Variants in PROSER2 observed in about 807,000 individuals in gnomAD.
The protein encoded by PROSER2 is proline and serine rich 2.
Under a neutral mutation model 14.6 loss-of-function variants are expected in PROSER2, and 18 were observed. The observed-to-expected ratio is 1.23, with a 90% CI of 0.85 to 1.83. The LOEUF (loss-of-function observed/expected upper bound fraction) is 1.83, where lower values mean the gene tolerates loss of function less well. PROSER2 is among the 40% of genes most tolerant of loss of function. The probability of loss-of-function intolerance (pLI) is 0.00; values close to 1 mark genes in which losing one functional copy is unlikely to be tolerated. For synonymous variants in PROSER2, 367 were observed against 286.4 expected (o/e 1.28, Z -2.84); for missense variants, 823 against 629.8 (o/e 1.31, Z -3.28).
intron 1 of PROSER2, among the ~76,000 whole-genome samples, chr10:11,840,038 A>G (rs567165110): frequency 6.6e-6 from 1 of 151,344 alleles, no homozygotes; most frequent in Non-Finnish European, 1.5e-5. Context: ...CTGCAACCTC[A>G]GCCTCCCAGT....
intron 2 of PROSER2, among the ~76,000 whole-genome samples, chr10:11,861,263 G>C (rs1393357375): frequency 1.3e-5 from 2 of 152,162 alleles, no homozygotes; most frequent in Non-Finnish European, 2.9e-5. Flanking sequence ...CCTCTCTGAA[G>C]TTTTTCCTGC....
intron 2 of PROSER2, among the ~76,000 whole-genome samples, chr10:11,861,532 G>A (rs758122084): frequency 3.3e-5 from 5 of 152,114 alleles, no homozygotes; most frequent in Admixed American, 6.5e-5. Flanking sequence ...AAATCCGGCC[G>A]TGAAAGTAGG....
chr10:11,825,605 G>A (rs929130456), intron 1 of PROSER2, among the ~76,000 whole-genome samples: 3 of 152,188 alleles, frequency 2.0e-5, no homozygotes, highest in Non-Finnish European at 4.4e-5. Context: ...CTCTGTCTGC[G>A]GAACTCACAG....
At chr10:11,847,422 G>A (rs1343352813) in intron 1 of PROSER2, among the ~76,000 whole-genome samples, 1 of 151,958 alleles carries the variant, frequency 6.6e-6, no homozygotes, top group African/African-American at 2.4e-5. Context: ...TTGTTTTGTT[G>A]TTGTTGTTGT....
chr10:11,839,255 A>G (rs7076760), intron 1 of PROSER2, among the ~76,000 whole-genome samples: 18,283 of 152,208 alleles, frequency 0.12, 1,215 homozygotes, highest in Non-Finnish European at 0.15. Flanking sequence ...TTAAATATGA[A>G]AAGTGGAACC....
Position 11,870,576 on chromosome 10 carries a change from A to ACGCAC in PROSER2, c.*175_*179dup. The ACGCAC allele has an allele frequency of 3.8e-6, 2 of 523,212 alleles. No individual in the cohort carries two copies. The highest frequency in any genetic ancestry group is 6.6e-6 in the Non-Finnish European group (2 of 303,226). The allele number at this position is 523,212 out of a possible 1,614,324, so 32.4% of individuals were successfully genotyped here. On this transcript the variant is annotated 3_prime_UTR_variant, in exon 4 of 4. Coordinates refer to ENST00000277570, the MANE Select transcript of PROSER2 (RefSeq NM_153256.4). ...CCTGGCTGGGGCCTCCTGGCTGAGC[A>ACGCAC]CGCACCGCAAGCTCCAGCCACCGGC...
intron 2 of PROSER2, among the ~76,000 whole-genome samples, chr10:11,859,708 T>C (rs1588496832): frequency 6.6e-6 from 1 of 152,180 alleles, no homozygotes; most frequent in East Asian, 1.9e-4. Flanking sequence ...CCTTGTGCTT[T>C]TGGATTTTTT....
Position 11,866,458 on chromosome 10 carries a change from T to G in PROSER2, c.139-73T>G, listed in dbSNP as rs140379864. On this transcript the variant is annotated intron_variant, in intron 2 of 3. Coordinates refer to ENST00000277570, the MANE Select transcript of PROSER2 (RefSeq NM_153256.4). This position sits in a 1 kb window ranked among gnomAD's most constrained non-coding sequence, Gnocchi z 6.0. ...CTGGGCTGTGGACCAATCCCAACTT[T>G]GCTTCAGCTTTTGTCTCTTTAGTGA... The G allele has an allele frequency of 1.0e-3, 1,604 of 1,571,508 alleles. 3 individuals are homozygous for G. The highest frequency in any genetic ancestry group is 1.3e-3 in the Non-Finnish European group (1,508 of 1,155,316).
At chr10:11,835,106 TAAAAAAAAAAAAA>T (rs10556057) in intron 1 of PROSER2, among the ~76,000 whole-genome samples, 2 of 141,782 alleles carry the variant, frequency 1.4e-5, no homozygotes, top group South Asian at 2.2e-4. Context: ...GAATCTGTCT[TAAAAAAAAAAAAA>T]AAAAAGAAAA....
rs1176513145 is a variant in PROSER2, at chr10:11,870,352, G to A, written c.1254G>A (p.Glu418=). 7.3e-6 allele frequency: 11 copies of A among 1,509,546 alleles called. No homozygotes were observed. Among genetic ancestry groups the A allele is most frequent in the Middle Eastern group, 1.8e-4 (1 of 5,562 alleles). 93.5% of individuals were successfully genotyped at this position (1,509,546 alleles called of 1,614,324 possible). A position where few individuals can be genotyped will look rare whatever the true frequency, so the allele number is the denominator to read the frequency against. The change falls in exon 4 of 4, where the codon GAG becomes GAA. Residue 418 remains glutamate, a synonymous_variant. Coordinates refer to ENST00000277570, the MANE Select transcript of PROSER2 (RefSeq NM_153256.4). ...AGTTCGCGGGCCGCGGCTCCTCGGA[G>A]GAGGCGCGCAGGGAGGCCCTGCGGA... The part of the protein sequence containing the change: ...TVQFAGRGSS[E]EARREALRKL...
At chr10:11,847,381 T>A (rs910641923) in intron 1 of PROSER2, among the ~76,000 whole-genome samples, 3 of 152,104 alleles carry the variant, frequency 2.0e-5, no homozygotes, top group Non-Finnish European at 4.4e-5. Context: ...AGTCAGTGGC[T>A]GGTTTTTAGT....
intron 2 of PROSER2, among the ~76,000 whole-genome samples, chr10:11,861,564 T>C (rs1310158479): frequency 6.6e-6 from 1 of 152,088 alleles, no homozygotes; most frequent in Non-Finnish European, 1.5e-5. Context: ...CGTGCACGGA[T>C]GGGCGTCGCT....
chr10:11,839,645 C>T (rs1186356816), intron 1 of PROSER2, among the ~76,000 whole-genome samples: 4 of 151,622 alleles, frequency 2.6e-5, no homozygotes, highest in African/African-American at 7.3e-5. Context: ...GGCAACATGG[C>T]GAAATCCCGT....
chr10:11,850,852 T>G (rs1387120168), intron 1 of PROSER2: 1 of 152,234 alleles, frequency 6.6e-6, no homozygotes, highest in Non-Finnish European at 1.5e-5. Flanking sequence ...CCTATGAGTC[T>G]TCTTTGGTCT....
rs77067877 is a variant in PROSER2, at chr10:11,832,734, A to G, written c.-82+9264A>G. 4.7e-3 allele frequency among the ~76,000 whole-genome samples: 710 copies of G among 152,244 alleles called. 40 individuals carry two copies. The East Asian group carries it at 0.11, about 24-fold the overall frequency. ...ATATGGTGGAGAGGGAGGGATAATA[A>G]CCACACTGATGTTAACATGTCTGAA... On this transcript the variant is annotated intron_variant, in intron 1 of 3. Transcript: ENST00000277570.
At chr10:11,828,380 T>C (rs1833643889) in intron 1 of PROSER2, among the ~76,000 whole-genome samples, 2 of 150,978 alleles carry the variant, frequency 1.3e-5, no homozygotes, top group South Asian at 2.1e-4. Flanking sequence ...CCTCCAAAAA[T>C]AGTACAATTG....
rs114075860 is a variant in PROSER2 at position 11,842,083 on chromosome 10, A to G, written c.-81-9914A>G. On this transcript the variant is annotated intron_variant, in intron 1 of 3. Transcript: ENST00000277570. ...CTAAAATACAAAAAATTTGCCGGGTATGGTGACGTGAGCCTGTGGTCCCAG... is the reference window on the plus strand; with the variant it reads ...CTAAAATACAAAAAATTTGCCGGGTGTGGTGACGTGAGCCTGTGGTCCCAG... Among the ~76,000 whole-genome samples, 811 of 152,158 alleles carry G rather than the reference A, an allele frequency of 5.3e-3. 2 individuals are homozygous for G. The highest frequency in any genetic ancestry group is 0.019 in the African/African-American group (788 of 41,508).
In PROSER2 at chr10:11,830,781, A is replaced by G. The variant is rs765545096; in HGVS notation, c.-82+7311A>G. 1.3e-5 allele frequency among the ~76,000 whole-genome samples: 2 copies of G among 151,702 alleles called. No homozygotes were observed. Among genetic ancestry groups the G allele is most frequent in the Non-Finnish European group, 2.9e-5 (2 of 67,926 alleles). ...CCCATTGCTTAAAAATGTGCTAAAAACCCCTGCTTTCTCTCTGCCCTATTA... is the reference window on the plus strand; with the variant it reads ...CCCATTGCTTAAAAATGTGCTAAAAGCCCCTGCTTTCTCTCTGCCCTATTA... On this transcript the variant is annotated intron_variant, in intron 1 of 3. Coordinates refer to ENST00000277570, the MANE Select transcript of PROSER2 (RefSeq NM_153256.4). The surrounding 1 kb of genome is among the most constrained non-coding windows in gnomAD (Gnocchi z 4.5).
chr10:11,858,238 T>C (rs1383375249), intron 2 of PROSER2, among the ~76,000 whole-genome samples: 1 of 152,194 alleles, frequency 6.6e-6, no homozygotes, highest in African/African-American at 2.4e-5. Flanking sequence ...CCAATTCAGC[T>C]GTTTTTTAGG....
Sources: gnomAD v4.1 joint callset for allele counts (sites outside exome capture counted in the v4.1 genomes callset) on GRCh38, gnomAD v4.1.1 for gene constraint, Gnocchi (gnomAD v3.1) non-coding constraint, MANE v1.5 for transcripts, NCBI Gene and HGNC (gene_info 2026-07-23, HGNC 2026-07-21) for gene names.